HDAC9: variants seen among roughly 807,000 people sequenced by gnomAD.
The protein encoded by HDAC9 is histone deacetylase 9.
In HDAC9, 41 loss-of-function variants were observed where a neutral mutation model predicts 139.4. That is an observed-to-expected ratio of 0.29 (90% CI 0.23 to 0.38). The LOEUF (loss-of-function observed/expected upper bound fraction) is 0.38, where lower values mean the gene tolerates loss of function less well. Ranked by LOEUF, HDAC9 falls within the 10% of genes least tolerant of loss-of-function variation. HDAC9 has a pLI of 1.00. For synonymous variants in HDAC9, 517 were observed against 476.2 expected (o/e 1.09, Z -1.12); for missense variants, 1,147 against 1,297.0 (o/e 0.88, Z 1.78).
At chr7:18,459,006 C>T in intron 1 of HDAC9, 2 of 835,386 alleles carry the variant, frequency 2.4e-6, no homozygotes, top group Non-Finnish European at 3.8e-6. Flanking sequence ...CGGTCAGCAA[C>T]AACTTGGCCA....
chr7:18,550,023 A>ATT (rs552218842), intron 2 of HDAC9, among the ~76,000 whole-genome samples: 13 of 139,576 alleles, frequency 9.3e-5, no homozygotes, highest in African/African-American at 3.2e-4. Flanking sequence ...GGCATTCTTT[A>ATT]TTTTTTTTTT....
intron 12 of HDAC9, among the ~76,000 whole-genome samples, chr7:18,682,465 C>T (rs1454528050): frequency 6.6e-6 from 1 of 151,962 alleles, no homozygotes; most frequent in East Asian, 1.9e-4. Flanking sequence ...ACTCACTCTA[C>T]ATATTGATTT....
At chr7:18,864,777 C>G (rs12700001) in intron 21 of HDAC9, among the ~76,000 whole-genome samples, 80,748 of 151,926 alleles carry the variant, frequency 0.53, 23,642 homozygotes, top group African/African-American at 0.78. Flanking sequence ...GTTACTGTTT[C>G]ACGGTTACAG....
chr7:18,716,725 A>G (rs532472456), intron 12 of HDAC9, among the ~76,000 whole-genome samples: 1 of 152,328 alleles, frequency 6.6e-6, no homozygotes, highest in South Asian at 2.1e-4. Context: ...ACATAGGTCA[A>G]TGCCAACACT....
At chr7:18,141,006 A>G (rs1385653751) in intron 1 of HDAC9, among the ~76,000 whole-genome samples, 3 of 151,666 alleles carry the variant, frequency 2.0e-5, no homozygotes, top group African/African-American at 7.3e-5. Context: ...TTTATTTAGG[A>G]TAAACTGGCC....
chr7:18,621,527 C>A lies in HDAC9; in HGVS notation c.665-7823C>A, dbSNP rs185008004. ...AGAATGGATAGATGCAGTAGTATTTCTCAAAAACAAATAGTATTATAATGT... is the reference window on the plus strand; with the variant it reads ...AGAATGGATAGATGCAGTAGTATTTATCAAAAACAAATAGTATTATAATGT... On this transcript the variant is annotated intron_variant, in intron 6 of 25. Coordinates refer to ENST00000686413, the MANE Select transcript of HDAC9 (RefSeq NM_178425.4). 4.5e-3 allele frequency among the ~76,000 whole-genome samples: 686 copies of A among 152,066 alleles called. 5 individuals are homozygous for A. Among genetic ancestry groups the A allele is most frequent in the Non-Finnish European group, 5.0e-3 (342 of 67,940 alleles).
chr7:18,537,351 TAA>T (rs531495742), intron 2 of HDAC9, among the ~76,000 whole-genome samples: 1 of 152,124 alleles, frequency 6.6e-6, no homozygotes, highest in South Asian at 2.1e-4. Flanking sequence ...GGAAAAGGAA[TAA>T]GAGAGAGGAG....
At chr7:18,273,336 T>C (rs1228344055) in intron 2 of HDAC9, among the ~76,000 whole-genome samples, 1 of 152,080 alleles carries the variant, frequency 6.6e-6, no homozygotes, top group East Asian at 1.9e-4. Context: ...CCCAAAGTGC[T>C]GGGAGTACAG....
chr7:18,141,028 A>G (rs543407493), intron 1 of HDAC9, among the ~76,000 whole-genome samples: 94 of 152,212 alleles, frequency 6.2e-4, no homozygotes, highest in African/African-American at 2.2e-3. Flanking sequence ...CTATGAAAAC[A>G]AGCATCTTCA....
chr7:18,168,762 G>A (rs904642202), intron 2 of HDAC9, among the ~76,000 whole-genome samples: 2 of 151,940 alleles, frequency 1.3e-5, no homozygotes, highest in South Asian at 2.1e-4. Context: ...TCAACGTATA[G>A]CAGTTTTCTC....
intron 13 of HDAC9, among the ~76,000 whole-genome samples, chr7:18,746,465 T>A (rs1787985789): frequency 6.6e-6 from 1 of 152,182 alleles, no homozygotes; most frequent in Admixed American, 6.5e-5. Context: ...ATAGAAAATG[T>A]AAAAAGAGGA....
At chr7:18,963,468 A>G (rs1031085715) in intron 24 of HDAC9, among the ~76,000 whole-genome samples, 5 of 152,212 alleles carry the variant, frequency 3.3e-5, no homozygotes, top group Admixed American at 2.0e-4. Context: ...ATAAATGAAT[A>G]AAATCCAATG....
intron 1 of HDAC9, among the ~76,000 whole-genome samples, chr7:18,403,626 C>G (rs1488129254): frequency 6.6e-6 from 1 of 152,082 alleles, no homozygotes; most frequent in Non-Finnish European, 1.5e-5. Flanking sequence ...AATGCATAAA[C>G]AAATACGTAA....
intron 1 of HDAC9, among the ~76,000 whole-genome samples, chr7:18,155,563 A>G (rs1787126353): frequency 6.6e-6 from 1 of 152,208 alleles, no homozygotes; most frequent in African/African-American, 2.4e-5. Context: ...TATATGCATA[A>G]CTAACCTCCC....
chr7:18,695,702 A>G (rs909068863), intron 12 of HDAC9, among the ~76,000 whole-genome samples: 2 of 152,188 alleles, frequency 1.3e-5, no homozygotes, highest in Admixed American at 6.5e-5. Flanking sequence ...AGTGTCCAAC[A>G]GGAGCTTATC....
intron 24 of HDAC9, among the ~76,000 whole-genome samples, chr7:18,955,353 C>G (rs1040302215): frequency 6.6e-6 from 1 of 152,054 alleles, no homozygotes; most frequent in Admixed American, 6.6e-5. Flanking sequence ...TTCTAGATTT[C>G]AAAGCAAGGA....
At chr7:18,507,296 A>G (rs973976700) in intron 2 of HDAC9, among the ~76,000 whole-genome samples, 35 of 146,916 alleles carry the variant, frequency 2.4e-4, no homozygotes, top group African/African-American at 8.8e-4. Flanking sequence ...GTTCACACCA[A>G]TCTCCCACCT....
upstream of HDAC9, among the ~76,000 whole-genome samples, chr7:18,288,619 T>A (rs1797604724): frequency 6.6e-6 from 1 of 152,168 alleles, no homozygotes; most frequent in Admixed American, 6.5e-5. Context: ...ATATTATGTA[T>A]AGAGGTTGTT....
intron 7 of HDAC9, among the ~76,000 whole-genome samples, chr7:18,630,114 A>G (rs1781884666): frequency 6.6e-6 from 1 of 152,034 alleles, no homozygotes; most frequent in South Asian, 2.1e-4. Flanking sequence ...AGGTCTTACA[A>G]CACCCCTAGT....
Sources: gnomAD v4.1 joint callset for allele counts (sites outside exome capture counted in the v4.1 genomes callset) on GRCh38, gnomAD v4.1.1 for gene constraint, MANE v1.5 for transcripts, NCBI Gene and HGNC (gene_info 2026-07-23, HGNC 2026-07-21) for gene names.